Variants in ASTN2 observed in about 807,000 individuals in gnomAD.
ASTN2 encodes astrotactin 2.
In ASTN2, 54 loss-of-function variants were observed where a neutral mutation model predicts 139.8. The ratio of observed to expected loss-of-function variants is 0.39; its 90% CI spans 0.31 to 0.48. The LOEUF is 0.48. Ranked by LOEUF, ASTN2 falls within the 20% of genes least tolerant of loss-of-function variation. ASTN2 has a pLI of 0.95. For missense variants in ASTN2, 1,565 were observed against 1,725.1 expected (o/e 0.91, Z 1.64); for synonymous variants, 756 against 719.5 (o/e 1.05, Z -0.81).
At chr9:116,953,810 A>C (rs895190692) in intron 10 of ASTN2, among the ~76,000 whole-genome samples, 1 of 152,218 alleles carries the variant, frequency 6.6e-6, no homozygotes, top group East Asian at 1.9e-4. Flanking sequence ...CTTAGAGCAG[A>C]TAAGAGACTT....
intron 20 of ASTN2, among the ~76,000 whole-genome samples, chr9:116,447,440 G>A (rs1848033803): frequency 3.3e-5 from 5 of 152,104 alleles, no homozygotes; most frequent in Non-Finnish European, 7.4e-5. Context: ...CCAACGCTCA[G>A]CACACACAGG....
chr9:117,286,621 C>A (rs1371514361), intron 2 of ASTN2, among the ~76,000 whole-genome samples: 1 of 152,188 alleles, frequency 6.6e-6, no homozygotes. Flanking sequence ...TTCTGATAAA[C>A]AATGTAAAGT....
At chr9:116,726,010 T>A in intron 15 of ASTN2, 60 bp from the exon 16 acceptor site, 1 of 1,519,416 alleles carries the variant, frequency 6.6e-7, no homozygotes, top group Non-Finnish European at 8.9e-7. Context: ...GCTAGCAAAT[T>A]ATACGGTGGC....
At chr9:117,214,321 GC>G (rs767800053) in intron 3 of ASTN2, 36 bp downstream of exon 3, 13 of 1,531,060 alleles carry the variant, frequency 8.5e-6, no homozygotes, top group Middle Eastern at 1.8e-4. Flanking sequence ...TTTTCAAAAT[GC>G]CCCCTGGAAA....
chr9:116,650,222 C>T (rs1214005712), intron 17 of ASTN2, among the ~76,000 whole-genome samples: 1 of 152,096 alleles, frequency 6.6e-6, no homozygotes, highest in Non-Finnish European at 1.5e-5. Flanking sequence ...CCTTCCTCTG[C>T]CTCATTGAAA....
chr9:117,259,395 G>A (rs1833768931), intron 2 of ASTN2, among the ~76,000 whole-genome samples: 1 of 152,092 alleles, frequency 6.6e-6, no homozygotes, highest in East Asian at 1.9e-4. Flanking sequence ...AACTAGTTCA[G>A]GCCATGATGG....
At chr9:116,463,139 G>A (rs189553863) in intron 20 of ASTN2, among the ~76,000 whole-genome samples, 20 of 152,026 alleles carry the variant, frequency 1.3e-4, no homozygotes, top group African/African-American at 4.3e-4. Context: ...AAATGTACCC[G>A]CCTTTTTCTC....
At chr9:117,399,135 C>T (rs1021416686) in intron 1 of ASTN2, among the ~76,000 whole-genome samples, 3 of 152,162 alleles carry the variant, frequency 2.0e-5, no homozygotes, top group Non-Finnish European at 4.4e-5. Flanking sequence ...GTACTCTCTG[C>T]TGGAGTTACA....
intron 14 of ASTN2, among the ~76,000 whole-genome samples, chr9:116,730,735 C>T (rs1276882425): frequency 6.6e-6 from 1 of 152,232 alleles, no homozygotes; most frequent in Admixed American, 6.5e-5. Flanking sequence ...CAGAATGATG[C>T]AGGCTGTTGA....
intron 1 of ASTN2, among the ~76,000 whole-genome samples, chr9:117,301,207 C>T (rs985848463): frequency 2.0e-5 from 3 of 152,116 alleles, no homozygotes; most frequent in Admixed American, 6.5e-5. Context: ...TTTGTCATTT[C>T]GCTTCATGAT....
chr9:117,023,898 C>T (rs756952683), intron 6 of ASTN2, among the ~76,000 whole-genome samples: 4 of 152,056 alleles, frequency 2.6e-5, no homozygotes, highest in Non-Finnish European at 4.4e-5. Context: ...AACTTGCTGT[C>T]CTCACACTGT....
chr9:117,054,080 T>C lies in ASTN2; in HGVS notation c.1277-14115A>G, dbSNP rs1838990296. ...AAAATGTTCTGTGAAGCCTTTTTGCTCAAACACATTTCCACATGGAAATCT... is the reference window on the plus strand; with the variant it reads ...AAAATGTTCTGTGAAGCCTTTTTGCCCAAACACATTTCCACATGGAAATCT... On this transcript the variant is annotated intron_variant, in intron 5 of 22. Transcript: ENST00000313400. Among the ~76,000 whole-genome samples the C allele has an allele frequency of 3.3e-5, 5 of 151,400 alleles. No individual in the cohort carries two copies. The South Asian group carries it at 1.0e-3, about 32-fold the overall frequency.
intron 1 of ASTN2, among the ~76,000 whole-genome samples, chr9:117,391,035 T>A (rs1830526717): frequency 6.6e-6 from 1 of 152,160 alleles, no homozygotes; most frequent in African/African-American, 2.4e-5. Flanking sequence ...CATCCATAGA[T>A]TTACCCAACC....
chr9:117,325,027 A>G (rs896180044), intron 1 of ASTN2, among the ~76,000 whole-genome samples: 2 of 152,084 alleles, frequency 1.3e-5, no homozygotes, highest in Non-Finnish European at 2.9e-5. Flanking sequence ...TGGGTCTGGG[A>G]CCTGGCATGC....
chr9:117,125,096 A>G (rs1829654342), intron 4 of ASTN2, among the ~76,000 whole-genome samples: 1 of 152,216 alleles, frequency 6.6e-6, no homozygotes. Context: ...ACAGATGTGT[A>G]AAGTATTCCC....
intron 1 of ASTN2, among the ~76,000 whole-genome samples, chr9:117,389,041 G>A (rs889918213): frequency 5.9e-5 from 9 of 152,176 alleles, no homozygotes; most frequent in South Asian, 2.1e-4. Flanking sequence ...AATAGTATGC[G>A]TGTGCCTTTC....
intron 3 of ASTN2, among the ~76,000 whole-genome samples, chr9:117,148,035 G>C (rs1052775567): frequency 9.2e-5 from 14 of 152,150 alleles, no homozygotes; most frequent in African/African-American, 2.9e-4. Context: ...GACTTGATTG[G>C]AGATTAGCCT....
At chr9:116,959,950 G>T (rs1373970733) in intron 10 of ASTN2, among the ~76,000 whole-genome samples, 1 of 152,228 alleles carries the variant, frequency 6.6e-6, no homozygotes, top group African/African-American at 2.4e-5. Context: ...TTTTGTGTGC[G>T]TGCCGGCTGC....
At chr9:117,120,008 GTGTGTGTGTGTATATATATATA>G (rs1407602002) in intron 4 of ASTN2, among the ~76,000 whole-genome samples, 1 of 45,628 alleles carries the variant, frequency 2.2e-5, no homozygotes, top group African/African-American at 7.5e-5. Flanking sequence ...GTGTGTGTGT[GTGTGTGTGTGTATATATATATA>G]TATATATATA....
Sources: gnomAD v4.1 joint callset for allele counts (sites outside exome capture counted in the v4.1 genomes callset) on GRCh38, gnomAD v4.1.1 for gene constraint, MANE v1.5 for transcripts, NCBI Gene and HGNC (gene_info 2026-07-23, HGNC 2026-07-21) for gene names.